Variants in FGGY observed in about 807,000 individuals in gnomAD.
The protein encoded by FGGY is FGGY carbohydrate kinase domain-containing protein.
In FGGY, 72 loss-of-function variants were observed where a neutral mutation model predicts 71.3. That is an observed-to-expected ratio of 1.01 (90% CI 0.84 to 1.23). The LOEUF (loss-of-function observed/expected upper bound fraction) is 1.23. Ranked by LOEUF, FGGY falls within the 50% of genes most tolerant of loss-of-function variation. The pLI is 0.00. For synonymous variants in FGGY, 251 were observed against 250.3 expected (o/e 1.00, Z -0.02); for missense variants, 668 against 682.3 (o/e 0.98, Z 0.23).
chr1:59,726,003 G>A (rs1329391372), intron 14 of FGGY, among the ~76,000 whole-genome samples: 1 of 152,018 alleles, frequency 6.6e-6, no homozygotes, highest in Non-Finnish European at 1.5e-5. Flanking sequence ...GATCTTAGTG[G>A]GAAAGCATCC....
intron 8 of FGGY, among the ~76,000 whole-genome samples, chr1:59,568,947 G>A (rs1375751212): frequency 6.6e-6 from 1 of 151,626 alleles, no homozygotes; most frequent in African/African-American, 2.4e-5. Flanking sequence ...CAAATCACAA[G>A]TTCAAGGATA....
At chr1:59,408,077 T>G (rs922770880) in intron 5 of FGGY, among the ~76,000 whole-genome samples, 4 of 152,210 alleles carry the variant, frequency 2.6e-5, no homozygotes, top group Non-Finnish European at 4.4e-5. Context: ...CAGCATTTCA[T>G]TGGGAGGCCA....
At chr1:59,374,911 G>C (rs1388719737) in intron 4 of FGGY, among the ~76,000 whole-genome samples, 1 of 121,520 alleles carries the variant, frequency 8.2e-6, no homozygotes, top group South Asian at 3.5e-4. Flanking sequence ...ACTGTTGTGG[G>C]GTGGGGGGAG....
chr1:59,707,736 C>A (rs1362333756), intron 14 of FGGY, among the ~76,000 whole-genome samples: 1 of 152,082 alleles, frequency 6.6e-6, no homozygotes, highest in Non-Finnish European at 1.5e-5. Context: ...AAATGAAGCC[C>A]CCTTGGATGT....
chr1:59,597,922 A>G (rs1250928391), intron 8 of FGGY, among the ~76,000 whole-genome samples: 2 of 152,210 alleles, frequency 1.3e-5, no homozygotes, highest in African/African-American at 4.8e-5. Flanking sequence ...ACAGAAATAG[A>G]AGATATGGTT....
chr1:59,739,660 G>A (rs570910628), intron 14 of FGGY, among the ~76,000 whole-genome samples: 107 of 152,220 alleles, frequency 7.0e-4, no homozygotes, highest in African/African-American at 2.5e-3. Context: ...AAATGTACGT[G>A]GAAGGGCTGT....
intron 4 of FGGY, among the ~76,000 whole-genome samples, chr1:59,354,597 C>T (rs76548678): frequency 0.024 from 3,727 of 152,160 alleles, 176 homozygotes; most frequent in African/African-American, 0.086. Flanking sequence ...GTGATGGCTT[C>T]GGGAGGATCT....
intron 1 of FGGY, among the ~76,000 whole-genome samples, chr1:59,318,407 A>G (rs1006591019): frequency 1.3e-5 from 2 of 152,208 alleles, no homozygotes; most frequent in South Asian, 2.1e-4. Flanking sequence ...GGCAGCTGGA[A>G]TTAACTGTAA....
At chr1:59,577,042 C>A (rs1355707136) in intron 8 of FGGY, among the ~76,000 whole-genome samples, 4 of 152,156 alleles carry the variant, frequency 2.6e-5, no homozygotes, top group Non-Finnish European at 5.9e-5. Context: ...TCAAAGCTAG[C>A]AAATTCTTTT....
intron 5 of FGGY, among the ~76,000 whole-genome samples, chr1:59,397,953 T>C (rs905078636): frequency 9.2e-5 from 14 of 152,154 alleles, no homozygotes; most frequent in Admixed American, 6.5e-5. Context: ...GTCAACTGTC[T>C]GTAAAAACCC....
At chr1:59,341,114 G>A (rs964365882) in intron 3 of FGGY, among the ~76,000 whole-genome samples, 5 of 152,182 alleles carry the variant, frequency 3.3e-5, no homozygotes, top group Non-Finnish European at 7.4e-5. Flanking sequence ...AGAGTTAGGC[G>A]GGGACTCTGA....
intron 5 of FGGY, among the ~76,000 whole-genome samples, chr1:59,438,281 C>T (rs2068957115): frequency 1.3e-5 from 2 of 152,176 alleles, no homozygotes; most frequent in African/African-American, 4.8e-5. Flanking sequence ...AGCCTTTGCC[C>T]TTTCCATTAG....
chr1:59,701,186 T>C (rs1372225897), intron 14 of FGGY, among the ~76,000 whole-genome samples: 1 of 152,162 alleles, frequency 6.6e-6, no homozygotes, highest in African/African-American at 2.4e-5. Flanking sequence ...GTATCTTCCA[T>C]ATATACCCAT....
At chr1:59,375,265 G>GAAAAAAAAAAAAAAAAAAA (rs1289366742) in intron 4 of FGGY, among the ~76,000 whole-genome samples, 1 of 99,828 alleles carries the variant, frequency 1.0e-5, no homozygotes, top group African/African-American at 3.5e-5. Flanking sequence ...TCTCAAAAAA[G>GAAAAAAAAAAAAAAAAAAA]AAAAAAAAAA....
intron 5 of FGGY, among the ~76,000 whole-genome samples, chr1:59,426,395 G>A (rs964389699): frequency 6.6e-6 from 1 of 152,120 alleles, no homozygotes; most frequent in Non-Finnish European, 1.5e-5. Flanking sequence ...AGGGGAAGGA[G>A]GAAGGAATTG....
At chr1:59,752,724 A>C (rs2098256365) in intron 14 of FGGY, among the ~76,000 whole-genome samples, 1 of 152,180 alleles carries the variant, frequency 6.6e-6, no homozygotes, top group Admixed American at 6.5e-5. Flanking sequence ...CCCTGGCCAC[A>C]TGCAGGCCTG....
intron 8 of FGGY, among the ~76,000 whole-genome samples, chr1:59,560,949 C>T (rs760336023): frequency 3.3e-5 from 5 of 152,148 alleles, no homozygotes; most frequent in Non-Finnish European, 7.4e-5. Context: ...TCAGTCTTCT[C>T]CACTTTGTTT....
chr1:59,657,477 T>C (rs1314465042), intron 11 of FGGY, among the ~76,000 whole-genome samples: 2 of 152,196 alleles, frequency 1.3e-5, no homozygotes, highest in Non-Finnish European at 2.9e-5. Context: ...CGTGTGTGAA[T>C]GGTGTTCATG....
Position 59,547,142 on chromosome 1 carries a change from G to A in FGGY, c.800-6982G>A, listed in dbSNP as rs1188759021. ...TAATTTTTATATTTGTAGTAAAGACGGGGTTTCACCATATTAGCCAGGCTG... is the reference window on the plus strand; with the variant it reads ...TAATTTTTATATTTGTAGTAAAGACAGGGTTTCACCATATTAGCCAGGCTG... On this transcript the variant is annotated intron_variant, in intron 7 of 15. Coordinates refer to ENST00000303721, the MANE Select transcript of FGGY (RefSeq NM_018291.5). 2.0e-5 allele frequency among the ~76,000 whole-genome samples: 3 copies of A among 148,726 alleles called. No individual in the cohort carries two copies. The South Asian group carries it at 6.4e-4, about 32-fold the overall frequency.
Sources: gnomAD v4.1 joint callset for allele counts (sites outside exome capture counted in the v4.1 genomes callset) on GRCh38, gnomAD v4.1.1 for gene constraint, MANE v1.5 for transcripts, NCBI Gene and HGNC (gene_info 2026-07-23, HGNC 2026-07-21) for gene names.